The following NSFL1C variants were observed in gnomAD, a reference collection of about 807,000 sequenced individuals.
The protein encoded by NSFL1C is NSFL1 cofactor p47.
NSFL1C carries 14 observed loss-of-function variants against 43.1 expected under a neutral mutation model. The observed-to-expected ratio is 0.32, with a 90% CI of 0.21 to 0.51. The LOEUF (loss-of-function observed/expected upper bound fraction) is 0.51. Ranked by LOEUF, NSFL1C falls within the 20% of genes least tolerant of loss-of-function variation. The pLI, the probability that NSFL1C is intolerant of heterozygous loss-of-function variation, is 0.98. For synonymous variants in NSFL1C, 171 were observed against 183.5 expected, an observed-to-expected ratio of 0.93 and a Z score of 0.55; for missense variants, 406 against 472.5, an observed-to-expected ratio of 0.86 and a Z score of 1.30.
At chr20:1,450,668 T>C (rs1040533393) in intron 7 of NSFL1C, among the ~76,000 whole-genome samples, 3 of 152,206 alleles carry the variant, frequency 2.0e-5, no homozygotes, top group Admixed American at 2.0e-4. Context: ...ATAAAAAATA[T>C]AGCCTTTTTG....
At chr20:1,459,195 TGTA>T (rs1158557179) in intron 2 of NSFL1C, among the ~76,000 whole-genome samples, 58 of 152,278 alleles carry the variant, frequency 3.8e-4, no homozygotes, top group Non-Finnish European at 2.1e-4. Flanking sequence ...CATGTTGAAT[TGTA>T]ATTCCCAGTG....
chr20:1,444,393 C>T (rs191531122), intron 8 of NSFL1C, among the ~76,000 whole-genome samples: 63 of 152,334 alleles, frequency 4.1e-4, no homozygotes, highest in South Asian at 8.3e-4. Context: ...CCTCCTGCAG[C>T]TCATGAATTT....
chr20:1,461,117 C>T lies in NSFL1C; in HGVS notation c.204-2843G>A, dbSNP rs115666370. Among the ~76,000 whole-genome samples the T allele has an allele frequency of 4.0e-3, 615 of 152,290 alleles. 3 individuals carry two copies. Among genetic ancestry groups the T allele is most frequent in the African/African-American group, 0.014 (592 of 41,564 alleles). On this transcript the variant is annotated intron_variant, in intron 2 of 8. Transcript: ENST00000216879. The stretch of plus-strand genomic sequence containing the variant: ...GCTGTTGAACAGTATCAGAAGAGAA[C>T]ACAGGTGAGAAACATGGCAGAGCTT...
intron 7 of NSFL1C, among the ~76,000 whole-genome samples, chr20:1,452,169 G>T (rs753858571): frequency 6.6e-6 from 1 of 152,178 alleles, no homozygotes; most frequent in Non-Finnish European, 1.5e-5. Flanking sequence ...GCTCACTATG[G>T]AACAGTGTTC....
At chr20:1,452,887 G>C (rs2090213749) in intron 6 of NSFL1C, 144 bp downstream of exon 6, 4 of 715,180 alleles carry the variant, frequency 5.6e-6, no homozygotes, top group Non-Finnish European at 9.8e-6. Context: ...AAGGTTTTTG[G>C]AGCAGATCTA....
At position 1,443,784 on chromosome 20, in the gene NSFL1C, G is replaced by C. The variant is rs6079152; in HGVS notation, c.1078C>G (p.Leu360Val). ...DESQTLKEAN[L>V]LNAVIVQRLT is the part of the protein sequence containing the mutation. The stretch of plus-strand genomic sequence containing the variant: ...CGCTGCACGATGACAGCATTGAGCA[G>C]GTTGGCTTCCTTCAGGGTCTGGCTC... Residue 360 changes from leucine (L) to valine (V), a missense_variant, in exon 9 of 9, where the codon CTG (leucine) becomes GTG (valine). Physicochemically the swap from Leu to Val is conservative, Grantham distance 32. This residue lies in a region of NSFL1C where 196 missense variants were observed against 228.0 expected (regional missense o/e 0.86). Transcript: ENST00000216879. 32 of 1,614,082 alleles carry C rather than the reference G, an allele frequency of 2.0e-5. No individual in the cohort carries two copies. Among genetic ancestry groups the C allele is most frequent in the African/African-American group, 2.7e-5 (2 of 74,942 alleles).
intron 1 of NSFL1C, among the ~76,000 whole-genome samples, chr20:1,465,442 A>G (rs2090489868): frequency 6.6e-6 from 1 of 152,366 alleles, no homozygotes; most frequent in East Asian, 1.9e-4. Context: ...GGAACGAGAC[A>G]GAAGATCTGT....
At chr20:1,462,923 T>C (rs1226750382) in intron 2 of NSFL1C, among the ~76,000 whole-genome samples, 3 of 152,196 alleles carry the variant, frequency 2.0e-5, no homozygotes, top group East Asian at 1.9e-4. Flanking sequence ...ACTAAAATTA[T>C]AATAACAACA....
chr20:1,443,440 T>C lies in NSFL1C; in HGVS notation c.*309A>G, dbSNP rs371913911. On this transcript the variant is annotated 3_prime_UTR_variant, in exon 9 of 9. Transcript: ENST00000216879. ...CCTCCCACAGGCCCCAAGATAAATATAATTTTAAAGCAATTAAAGCCTGCT... is the reference window on the plus strand; with the variant it reads ...CCTCCCACAGGCCCCAAGATAAATACAATTTTAAAGCAATTAAAGCCTGCT... 1.8e-5 allele frequency: 4 copies of C among 220,286 alleles called. No homozygotes were observed. In the South Asian group the frequency reaches 4.3e-4, roughly 24 times the overall value. The allele number at this position is 220,286 out of a possible 1,614,324, so 13.6% of individuals were successfully genotyped here.
At chr20:1,464,283 C>T in intron 2 of NSFL1C, 46 bp downstream of exon 2, 1 of 1,550,268 alleles carries the variant, frequency 6.5e-7, no homozygotes, top group Admixed American at 1.7e-5. Flanking sequence ...AGCTCCTCTT[C>T]ACTGCTGGAA....
intron 1 of NSFL1C, among the ~76,000 whole-genome samples, chr20:1,466,389 C>T (rs1217112910): frequency 1.3e-5 from 2 of 152,254 alleles, no homozygotes; most frequent in African/African-American, 2.4e-5. Flanking sequence ...CGGACCAGCC[C>T]GGCCTCCAGC....
At chr20:1,455,680 G>A in intron 3 of NSFL1C, 1 of 779,690 alleles carries the variant, frequency 1.3e-6, no homozygotes, top group Non-Finnish European at 2.4e-6. Context: ...CCTTGTCTTT[G>A]AAACGGGAGG....
intron 7 of NSFL1C, 139 bp downstream of exon 7, chr20:1,452,354 T>A: frequency 2.6e-6 from 3 of 1,164,094 alleles, no homozygotes; most frequent in Non-Finnish European, 3.6e-6. Context: ...TTCTCCACAC[T>A]CTTCCTCCCA....
At chr20:1,446,013 T>G in intron 7 of NSFL1C, 183 bp from the exon 8 acceptor site, 1 of 632,244 alleles carries the variant, frequency 1.6e-6, no homozygotes. Context: ...CAGAATTCAC[T>G]TCAAACCCTG....
chr20:1,454,948 C>T lies in NSFL1C; in HGVS notation c.444+19G>A, dbSNP rs774457385. On this transcript the variant is annotated intron_variant, in intron 4 of 8. Coordinates refer to ENST00000216879, the MANE Select transcript of NSFL1C (RefSeq NM_016143.5). ...GGAATCTCAGTCCTGTGGGCACAGA[C>T]AATGACCCTTATACTCACTCTCGGT... The T allele has an allele frequency of 6.2e-7, 1 of 1,608,264 alleles. No individual in the cohort carries two copies. Among genetic ancestry groups the T allele is most frequent in the South Asian group, 1.1e-5 (1 of 90,948 alleles).
intron 3 of NSFL1C, chr20:1,455,986 T>G: frequency 1.9e-6 from 1 of 515,616 alleles, no homozygotes; most frequent in East Asian, 3.3e-5. Context: ...AGTTAGTACT[T>G]TTTTATATGG....
chr20:1,466,537 C>A (rs1212319164), intron 1 of NSFL1C, among the ~76,000 whole-genome samples, 183 bp downstream of exon 1: 2 of 152,226 alleles, frequency 1.3e-5, no homozygotes, highest in African/African-American at 4.8e-5. Context: ...GGCTGGCCCG[C>A]GTTCCCCCAC....
intron 4 of NSFL1C, 59 bp downstream of exon 4, chr20:1,454,908 G>T: frequency 6.5e-7 from 1 of 1,549,768 alleles, no homozygotes; most frequent in Non-Finnish European, 8.8e-7. Context: ...TGAAGAAGGT[G>T]GCATTCCCAG....
At chr20:1,451,345 A>T (rs1469143465) in intron 7 of NSFL1C, among the ~76,000 whole-genome samples, 1 of 152,214 alleles carries the variant, frequency 6.6e-6, no homozygotes, top group Non-Finnish European at 1.5e-5. Flanking sequence ...CTCAGAGGGC[A>T]TGGTTGTTGG....
Sources: gnomAD v4.1 joint callset for allele counts (sites outside exome capture counted in the v4.1 genomes callset) on GRCh38, gnomAD v4.1.1 for gene constraint, gnomAD v4.1.1 regional missense constraint, MANE v1.5 for transcripts, NCBI Gene and HGNC (gene_info 2026-07-23, HGNC 2026-07-21) for gene names.